Variants in MEIS2 observed in about 807,000 individuals in gnomAD.
MEIS2 encodes the protein homeobox protein Meis2.
Under a neutral mutation model 58.6 loss-of-function variants are expected in MEIS2, and 9 were observed. The observed-to-expected ratio is 0.15, with a 90% CI of 0.09 to 0.27. The LOEUF (loss-of-function observed/expected upper bound fraction) is 0.27. Among genes scored for constraint, MEIS2 ranks in the 10% least tolerant of loss-of-function variants. The pLI is 1.00. For missense variants in MEIS2, 427 were observed against 635.0 expected (o/e 0.67, Z 3.52); for synonymous variants, 221 against 228.4 (o/e 0.97, Z 0.29).
chr15:37,038,788 A>G (rs763322796), intron 7 of MEIS2, among the ~76,000 whole-genome samples: 1 of 152,220 alleles, frequency 6.6e-6, no homozygotes, highest in Non-Finnish European at 1.5e-5. Flanking sequence ...CCCTCCCTGC[A>G]CACCCATGTA....
chr15:37,070,243 T>C (rs1333315364), intron 7 of MEIS2, among the ~76,000 whole-genome samples: 1 of 152,166 alleles, frequency 6.6e-6, no homozygotes, highest in African/African-American at 2.4e-5. Flanking sequence ...GACTTCTGAA[T>C]ATAAAGGAAG....
chr15:37,037,092 T>A, intron 7 of MEIS2, 133 bp from the exon 8 acceptor site: 1 of 865,884 alleles, frequency 1.2e-6, no homozygotes, highest in Non-Finnish European at 1.7e-6. Context: ...CATTAAAGTA[T>A]AATTGGAGAC....
chr15:36,997,496 T>C (rs2060565402), intron 8 of MEIS2, among the ~76,000 whole-genome samples: 1 of 151,696 alleles, frequency 6.6e-6, no homozygotes, highest in Non-Finnish European at 1.5e-5. Context: ...TCTCTTTTTT[T>C]TTTTTTTTGA....
chr15:36,982,980 A>AT (rs568867238), intron 8 of MEIS2, among the ~76,000 whole-genome samples: 42 of 151,800 alleles, frequency 2.8e-4, no homozygotes, highest in African/African-American at 9.7e-4. Context: ...GTTTTTGCCC[A>AT]TTTTTCTATT....
At chr15:37,084,411 C>T (rs1230421690) in intron 6 of MEIS2, among the ~76,000 whole-genome samples, 1 of 152,142 alleles carries the variant, frequency 6.6e-6, no homozygotes, top group East Asian at 1.9e-4. Flanking sequence ...TGCCCTAAAA[C>T]AACCTATACA....
chr15:37,088,298 T>C (rs775772558), intron 6 of MEIS2, among the ~76,000 whole-genome samples: 3 of 152,104 alleles, frequency 2.0e-5, no homozygotes, highest in Non-Finnish European at 4.4e-5. Flanking sequence ...ATAGTAAACA[T>C]ACATAAAGAT....
chr15:36,995,994 T>TAC (rs2060497236), intron 8 of MEIS2, among the ~76,000 whole-genome samples: 2 of 45,512 alleles, frequency 4.4e-5, no homozygotes, highest in Non-Finnish European at 1.4e-4. Flanking sequence ...TATATATATA[T>TAC]ATATATATGT....
chr15:37,009,245 C>G (rs1212914267), intron 8 of MEIS2, among the ~76,000 whole-genome samples: 1 of 151,890 alleles, frequency 6.6e-6, no homozygotes, highest in Non-Finnish European at 1.5e-5. Flanking sequence ...GCCGAGATCG[C>G]GCCACTGCAC....
At chr15:37,042,003 C>A (rs1052041232) in intron 7 of MEIS2, among the ~76,000 whole-genome samples, 4 of 151,764 alleles carry the variant, frequency 2.6e-5, no homozygotes, top group African/African-American at 7.3e-5. Flanking sequence ...ATAGTGAGAC[C>A]CTCTCTCTAC....
chr15:37,082,639 C>G (rs1016395960), intron 7 of MEIS2, among the ~76,000 whole-genome samples: 2 of 152,116 alleles, frequency 1.3e-5, no homozygotes, highest in Admixed American at 6.5e-5. Context: ...GTTGCAAGTT[C>G]TTCCATAATT....
rs377564027 is a variant in MEIS2 at position 36,972,457 on chromosome 15, G to T, written c.901-22057C>A. On this transcript the variant is annotated intron_variant, in intron 8 of 11. Coordinates refer to ENST00000561208, the MANE Select transcript of MEIS2 (RefSeq NM_170675.5). ...GAAAATGTTTATCATGGCCTTCAAG[G>T]TACCCAATGATCTGGTCTCGAACTC... Among the ~76,000 whole-genome samples the T allele has an allele frequency of 1.5e-3, 223 of 152,154 alleles. 1 individual carries two copies. Among genetic ancestry groups the T allele is most frequent in the African/African-American group, 5.3e-3 (218 of 41,508 alleles).
Position 36,892,470 on chromosome 15 carries a change from A to C in MEIS2, c.1148-11T>G. 6.2e-7 allele frequency: 1 copy of C among 1,608,474 alleles called. No homozygotes were observed. Among genetic ancestry groups the C allele is most frequent in the Non-Finnish European group, 8.5e-7 (1 of 1,178,158 alleles). On this transcript the variant is annotated splice_polypyrimidine_tract_variant and intron_variant, in intron 11 of 11. Transcript: ENST00000561208. The stretch of plus-strand genomic sequence containing the variant: ...GCATGCTCTGCAAACCTGAAAATAG[A>C]GAGGGAAAAAGAAAGCGGGTCAAAT...
intron 11 of MEIS2, chr15:36,894,467 A>G (rs2056061395): frequency 3.6e-6 from 1 of 275,204 alleles, no homozygotes; most frequent in East Asian, 7.8e-5. Flanking sequence ...CATTGGGGCC[A>G]CAGTAAATAG....
chr15:36,944,999 C>T (rs1320512932), intron 9 of MEIS2, among the ~76,000 whole-genome samples: 1 of 152,080 alleles, frequency 6.6e-6, no homozygotes, highest in Non-Finnish European at 1.5e-5. Context: ...TCCCAGCTTA[C>T]TCTTGATGTC....
In MEIS2 at chr15:37,043,749, G is replaced by A. The variant is rs1283220118; in HGVS notation, c.755-6790C>T. ...TGTTGCCGGGCTGGAGTGCAGTGGC[G>A]CAACCTTGGCTCACCGCAACCTCCA... On this transcript the variant is annotated intron_variant, in intron 7 of 11. Transcript: ENST00000561208. Among the ~76,000 whole-genome samples, 9 of 144,888 alleles carry A rather than the reference G, an allele frequency of 6.2e-5. No homozygotes were observed. The East Asian group carries it at 1.3e-3, about 20-fold the overall frequency.
At chr15:37,020,008 A>G (rs2061469932) in intron 8 of MEIS2, among the ~76,000 whole-genome samples, 1 of 152,184 alleles carries the variant, frequency 6.6e-6, no homozygotes, top group African/African-American at 2.4e-5. Context: ...TTACAGTTGT[A>G]GAGAGCCCTA....
At chr15:37,010,646 TG>T (rs1250617183) in intron 8 of MEIS2, among the ~76,000 whole-genome samples, 4 of 152,234 alleles carry the variant, frequency 2.6e-5, no homozygotes, top group African/African-American at 9.6e-5. Flanking sequence ...CCGCCAGTGC[TG>T]GGATTGCAGG....
intron 7 of MEIS2, among the ~76,000 whole-genome samples, chr15:37,074,981 T>C (rs187954315): frequency 6.6e-6 from 1 of 152,110 alleles, no homozygotes; most frequent in Non-Finnish European, 1.5e-5. Context: ...CTGGAGGACA[T>C]GTGTAGAAAA....
chr15:36,917,610 G>A (rs1210830094), intron 9 of MEIS2, among the ~76,000 whole-genome samples: 2 of 152,122 alleles, frequency 1.3e-5, no homozygotes, highest in East Asian at 1.9e-4. Flanking sequence ...TAAAAATTCC[G>A]ACTTCTTGAA....
Sources: allele counts gnomAD v4.1 joint callset (sites outside exome capture counted in the v4.1 genomes callset), GRCh38; gene constraint gnomAD v4.1.1; transcripts MANE v1.5; gene names NCBI Gene and HGNC (gene_info 2026-07-23, HGNC 2026-07-21).